SLC4A10: variants seen among roughly 807,000 people sequenced by gnomAD.
SLC4A10 encodes sodium-driven chloride bicarbonate exchanger.
A neutral mutation model predicts 137.7 loss-of-function variants in SLC4A10; 42 were observed. That is an observed-to-expected ratio of 0.30 (90% CI 0.24 to 0.39). The LOEUF is 0.39. SLC4A10 is among the 10% of genes least tolerant of loss of function. The pLI is 1.00. For synonymous variants in SLC4A10, 474 were observed against 464.1 expected (o/e 1.02, Z -0.27); for missense variants, 925 against 1,355.0 (o/e 0.68, Z 4.98).
intron 1 of SLC4A10, among the ~76,000 whole-genome samples, chr2:161,633,380 T>C (rs1457148995): frequency 2.0e-5 from 3 of 151,732 alleles, no homozygotes; most frequent in African/African-American, 7.2e-5. Context: ...GTTAAATATA[T>C]CATGGGTAAT....
chr2:161,790,654 G>A (rs556368038), intron 2 of SLC4A10, among the ~76,000 whole-genome samples: 29 of 152,250 alleles, frequency 1.9e-4, no homozygotes, highest in Non-Finnish European at 3.5e-4. Context: ...ACAGCCAATA[G>A]TAAATTTCAG....
chr2:161,877,189 A>G (rs6720337), intron 8 of SLC4A10, among the ~76,000 whole-genome samples: 92,607 of 151,950 alleles, frequency 0.61, 28,980 homozygotes, highest in East Asian at 0.98. Context: ...ACAGACTTTC[A>G]TAGTTAAGAC....
intron 1 of SLC4A10, among the ~76,000 whole-genome samples, chr2:161,724,426 G>A (rs2322649): frequency 0.83 from 126,835 of 152,166 alleles, 52,909 homozygotes; most frequent in Middle Eastern, 0.88. Flanking sequence ...TGGTAGTTTC[G>A]TCACATGTTT....
At chr2:161,674,631 T>G (rs2040090332) in intron 1 of SLC4A10, among the ~76,000 whole-genome samples, 1 of 152,202 alleles carries the variant, frequency 6.6e-6, no homozygotes, top group African/African-American at 2.4e-5. Context: ...ATAATATGAT[T>G]GGAAATCGAT....
chr2:161,688,658 C>T (rs185695219), intron 1 of SLC4A10, among the ~76,000 whole-genome samples: 2 of 152,036 alleles, frequency 1.3e-5, no homozygotes, highest in East Asian at 3.9e-4. Context: ...TCTTTTGGTG[C>T]CTTTATGTCC....
chr2:161,709,598 G>A (rs996788227), intron 1 of SLC4A10, among the ~76,000 whole-genome samples: 1 of 151,456 alleles, frequency 6.6e-6, no homozygotes, highest in Non-Finnish European at 1.5e-5. Context: ...AGAGAGCTTC[G>A]TCCTTTGCTT....
chr2:161,854,358 G>A (rs1463910602), intron 4 of SLC4A10, among the ~76,000 whole-genome samples: 1 of 152,080 alleles, frequency 6.6e-6, no homozygotes, highest in Non-Finnish European at 1.5e-5. Context: ...TGACATCAAG[G>A]TTCTTCTCTG....
Position 161,664,711 on chromosome 2 carries a change from C to CTTTT in SLC4A10, c.48+40152_48+40155dup, listed in dbSNP as rs11428885. ...CTAAGTTTAGTGGGGATTTTTTCTC[C>CTTTT]TTTTTTTTTTCCAATTTTTAGGGTG... On this transcript the variant is annotated intron_variant, in intron 1 of 26. Transcript: ENST00000446997. 7.3e-4 allele frequency among the ~76,000 whole-genome samples: 108 copies of CTTTT among 148,404 alleles called. 2 individuals are homozygous for CTTTT. The East Asian group carries it at 0.011, about 16-fold the overall frequency.
intron 1 of SLC4A10, among the ~76,000 whole-genome samples, chr2:161,768,060 C>T (rs1010489909): frequency 1.3e-5 from 2 of 152,034 alleles, no homozygotes; most frequent in African/African-American, 4.8e-5. Flanking sequence ...TTAGTCTCTT[C>T]TATATTGACA....
chr2:161,969,576 T>C (rs1698163898), intron 23 of SLC4A10, among the ~76,000 whole-genome samples: 1 of 152,178 alleles, frequency 6.6e-6, no homozygotes, highest in African/African-American at 2.4e-5. Flanking sequence ...CCCAGCAGAA[T>C]GTTTGCTCCT....
chr2:161,759,771 CA>C (rs1354240071), intron 1 of SLC4A10, among the ~76,000 whole-genome samples: 2 of 151,782 alleles, frequency 1.3e-5, no homozygotes, highest in African/African-American at 4.8e-5. Flanking sequence ...TACTCCTTAC[CA>C]GATACATGGT....
chr2:161,672,142 A>G (rs770376967), intron 1 of SLC4A10, among the ~76,000 whole-genome samples: 6 of 152,202 alleles, frequency 3.9e-5, no homozygotes, highest in Non-Finnish European at 5.9e-5. Context: ...GGATCAGTTC[A>G]TTAAAGACCT....
intron 2 of SLC4A10, among the ~76,000 whole-genome samples, chr2:161,774,584 C>A (rs1042708175): frequency 1.3e-5 from 2 of 151,800 alleles, no homozygotes; most frequent in Non-Finnish European, 2.9e-5. Flanking sequence ...CCTATAGGAG[C>A]TGCCTCCCCT....
intron 1 of SLC4A10, among the ~76,000 whole-genome samples, chr2:161,764,276 C>T (rs944562764): frequency 6.6e-6 from 1 of 151,742 alleles, no homozygotes; most frequent in Non-Finnish European, 1.5e-5. Context: ...AGCATGCTAT[C>T]TTTTTTTAAA....
intron 1 of SLC4A10, among the ~76,000 whole-genome samples, chr2:161,726,914 GCAAA>G (rs904096641): frequency 3.9e-5 from 6 of 152,092 alleles, no homozygotes; most frequent in African/African-American, 1.2e-4. Flanking sequence ...GTCTCAAAAA[GCAAA>G]CAAACAAACA....
chr2:161,640,290 A>G (rs1353967438), intron 1 of SLC4A10, among the ~76,000 whole-genome samples: 6 of 152,142 alleles, frequency 3.9e-5, no homozygotes, highest in Non-Finnish European at 8.8e-5. Flanking sequence ...CCTTTTGTGA[A>G]TACTCCCTTA....
intron 4 of SLC4A10, among the ~76,000 whole-genome samples, chr2:161,841,513 A>G (rs1349722225): frequency 6.6e-6 from 1 of 152,196 alleles, no homozygotes; most frequent in African/African-American, 2.4e-5. Context: ...CAGTAATTCC[A>G]TTGGATCATG....
At position 161,976,954 on chromosome 2, in the gene SLC4A10, T is replaced by C. The variant is rs574030778; in HGVS notation, c.3344+78T>C. 7 of 702,032 alleles carry C rather than the reference T, an allele frequency of 1.0e-5. No individual in the cohort carries two copies. In the African/African-American group the frequency reaches 1.3e-4, roughly 13 times the overall value. The allele number at this position is 702,032 out of a possible 1,614,324, so 43.5% of individuals were successfully genotyped here. ...ATAAACCATAAGCAAAAGAATAATA[T>C]TAGTTTCCATCAAATTTAGATATAA... On this transcript the variant is annotated intron_variant, in intron 25 of 26. Coordinates refer to ENST00000446997, the MANE Select transcript of SLC4A10 (RefSeq NM_001178015.2).
chr2:161,675,242 T>C (rs1170943867), intron 1 of SLC4A10, among the ~76,000 whole-genome samples: 13 of 152,136 alleles, frequency 8.5e-5, no homozygotes, highest in Admixed American at 8.5e-4. Flanking sequence ...TGAAACCTCA[T>C]GAGTTTCCTG....
Sources: allele counts gnomAD v4.1 joint callset (sites outside exome capture counted in the v4.1 genomes callset), GRCh38; gene constraint gnomAD v4.1.1; transcripts MANE v1.5; gene names NCBI Gene and HGNC (gene_info 2026-07-23, HGNC 2026-07-21).